Variants in EXOC5 observed in about 807,000 individuals in gnomAD.
EXOC5 encodes exocyst complex component 5.
Under a neutral mutation model 90.8 loss-of-function variants are expected in EXOC5, and 17 were observed. The ratio of observed to expected loss-of-function variants is 0.19; its 90% CI spans 0.13 to 0.28. The LOEUF is 0.28. Ranked by LOEUF, EXOC5 falls within the 10% of genes least tolerant of loss-of-function variation. EXOC5 has a pLI of 1.00. For synonymous variants in EXOC5, 260 were observed against 270.0 expected (o/e 0.96, Z 0.36); for missense variants, 569 against 830.6 (o/e 0.69, Z 3.87).
intron 12 of EXOC5, among the ~76,000 whole-genome samples, chr14:57,225,751 T>G (rs999277563): frequency 2.0e-5 from 3 of 152,214 alleles, no homozygotes; most frequent in African/African-American, 7.2e-5. Flanking sequence ...CGCCAACACA[T>G]GCCCACCTAA....
intron 4 of EXOC5, among the ~76,000 whole-genome samples, chr14:57,241,952 T>G (rs573173364): frequency 4.6e-5 from 7 of 151,572 alleles, no homozygotes; most frequent in Non-Finnish European, 1.0e-4. Context: ...GCTAACATGG[T>G]GAAACCCCAT....
chr14:57,241,660 A>T (rs1269303119), intron 4 of EXOC5, among the ~76,000 whole-genome samples: 1 of 152,238 alleles, frequency 6.6e-6, no homozygotes, highest in Non-Finnish European at 1.5e-5. Flanking sequence ...GTTACAATAT[A>T]CAACATTTAG....
intron 5 of EXOC5, among the ~76,000 whole-genome samples, chr14:57,238,263 C>T (rs1883732051): frequency 7.4e-6 from 1 of 135,492 alleles, no homozygotes; most frequent in Non-Finnish European, 1.6e-5. Flanking sequence ...CACTCATATT[C>T]ACCACCACTC....
At chr14:57,232,961 T>C (rs915247982) in intron 9 of EXOC5, 9 of 416,896 alleles carry the variant, frequency 2.2e-5, no homozygotes, top group Admixed American at 8.8e-5. Context: ...CTGTAGAGGA[T>C]CTTTATCAGT....
chr14:57,232,330 A>G, intron 10 of EXOC5: 1 of 165,356 alleles, frequency 6.0e-6, no homozygotes, highest in Admixed American at 6.4e-5. Context: ...CAAAAGCACA[A>G]GACAAATTCC....
chr14:57,213,224 A>T (rs899391948), intron 15 of EXOC5, among the ~76,000 whole-genome samples: 4 of 147,380 alleles, frequency 2.7e-5, no homozygotes, highest in East Asian at 2.0e-4. Flanking sequence ...CTCTACATAT[A>T]AAAAAAAAAT....
chr14:57,258,724 G>A (rs1007096734), intron 1 of EXOC5, among the ~76,000 whole-genome samples: 19 of 152,090 alleles, frequency 1.2e-4, no homozygotes, highest in Non-Finnish European at 1.5e-5. Flanking sequence ...AAAATCTCTT[G>A]GATGTCAATC....
Position 57,200,761 on chromosome 14 carries a change from A to G in EXOC5, c.*7848T>C, listed in dbSNP as rs990846528. ...TTACTAATTTGCTCACTACATTAAAAAAAAAAAAAAAAAACTTCCACCAAA... is the reference window on the plus strand; with the variant it reads ...TTACTAATTTGCTCACTACATTAAAGAAAAAAAAAAAAAACTTCCACCAAA... On this transcript the variant is annotated 3_prime_UTR_variant, in exon 18 of 18. Transcript: ENST00000621441. 2 of 149,512 alleles carry G rather than the reference A, an allele frequency of 1.3e-5. No homozygotes were observed. Among genetic ancestry groups the G allele is most frequent in the Non-Finnish European group, 3.0e-5 (2 of 67,564 alleles). The allele number at this position is 149,512 out of a possible 1,614,324, so 9.3% of individuals were successfully genotyped here.
intron 1 of EXOC5, among the ~76,000 whole-genome samples, chr14:57,251,989 T>C (rs1172879036): frequency 6.6e-6 from 1 of 152,018 alleles, no homozygotes; most frequent in Non-Finnish European, 1.5e-5. Context: ...AAACACAAAA[T>C]CTACCAAGGC....
chr14:57,260,687 A>T (rs1483734554), intron 1 of EXOC5, among the ~76,000 whole-genome samples: 1 of 152,170 alleles, frequency 6.6e-6, no homozygotes, highest in Non-Finnish European at 1.5e-5. Context: ...TCGTAATGCA[A>T]GAATGTTCTT....
chr14:57,250,081 T>C (rs912715463), intron 1 of EXOC5, among the ~76,000 whole-genome samples: 46 of 152,216 alleles, frequency 3.0e-4, no homozygotes, highest in African/African-American at 1.1e-3. Flanking sequence ...CAGAGTGAGA[T>C]TATCTTTGAA....
Position 57,207,882 on chromosome 14 carries a change from A to G in EXOC5, c.*727T>C. The G allele has an allele frequency of 6.6e-6, 1 of 152,136 alleles. No individual in the cohort carries two copies. The highest frequency in any genetic ancestry group is 1.5e-5 in the Non-Finnish European group (1 of 68,000). The allele number at this position is 152,136 out of a possible 1,614,324, so 9.4% of individuals were successfully genotyped here. A position where few individuals can be genotyped will look rare whatever the true frequency, so the allele number is the denominator to read the frequency against. Reference sequence around the variant, plus strand: ...AAGGTAGTTTTATTAATTTCTTACTAGAATTGGCTTAAAATCTATTTACCA... The same window carrying G: ...AAGGTAGTTTTATTAATTTCTTACTGGAATTGGCTTAAAATCTATTTACCA... On this transcript the variant is annotated 3_prime_UTR_variant, in exon 18 of 18. Transcript: ENST00000621441.
At chr14:57,217,007 G>T (rs1882994340) in intron 15 of EXOC5, among the ~76,000 whole-genome samples, 1 of 152,102 alleles carries the variant, frequency 6.6e-6, no homozygotes, top group Non-Finnish European at 1.5e-5. Flanking sequence ...TGGCTAACAG[G>T]TATATGAAAA....
At chr14:57,219,707 A>G (rs1883071909) in intron 13 of EXOC5, among the ~76,000 whole-genome samples, 2 of 152,012 alleles carry the variant, frequency 1.3e-5, no homozygotes, top group Admixed American at 6.6e-5. Flanking sequence ...ACACCTCCAC[A>G]TATTTCTTAT....
intron 12 of EXOC5, among the ~76,000 whole-genome samples, chr14:57,226,461 G>C (rs1057341759): frequency 6.6e-6 from 1 of 152,134 alleles, no homozygotes; most frequent in Non-Finnish European, 1.5e-5. Flanking sequence ...TCCCCAAATA[G>C]AACTACAGAG....
chr14:57,209,811 C>T (rs1419094700), intron 16 of EXOC5, 29 bp from the exon 17 acceptor site: 3 of 1,473,476 alleles, frequency 2.0e-6, no homozygotes, highest in Non-Finnish European at 2.8e-6. Context: ...ACTCATTACA[C>T]AGGAATGTAT....
intron 4 of EXOC5, among the ~76,000 whole-genome samples, chr14:57,242,165 A>C (rs937824020): frequency 4.0e-5 from 6 of 151,740 alleles, no homozygotes; most frequent in Admixed American, 2.0e-4. Context: ...AGAAAAAAAA[A>C]CAAAACCAAC....
chr14:57,206,694 T>A lies in EXOC5; in HGVS notation c.*1915A>T, dbSNP rs748046647. 4.6e-5 allele frequency: 7 copies of A among 152,388 alleles called. No homozygotes were observed. The highest frequency in any genetic ancestry group is 8.8e-5 in the Non-Finnish European group (6 of 67,894). 9.4% of individuals were successfully genotyped at this position (152,388 alleles called of 1,614,324 possible). ...TATCAACGGACATAATAGAAAATAT[T>A]GCACAGAACTCAAACATGAAAATAA... On this transcript the variant is annotated 3_prime_UTR_variant, in exon 18 of 18. Coordinates refer to ENST00000621441, the MANE Select transcript of EXOC5 (RefSeq NM_006544.4).
chr14:57,259,876 C>T (rs567505695), intron 1 of EXOC5, among the ~76,000 whole-genome samples: 1 of 152,156 alleles, frequency 6.6e-6, no homozygotes, highest in Non-Finnish European at 1.5e-5. Flanking sequence ...CAGAACAATG[C>T]CGAGCATACC....
Sources: gnomAD v4.1 joint callset for allele counts (sites outside exome capture counted in the v4.1 genomes callset) on GRCh38, gnomAD v4.1.1 for gene constraint, MANE v1.5 for transcripts, NCBI Gene and HGNC (gene_info 2026-07-23, HGNC 2026-07-21) for gene names.